The following ZNF831 variants were observed in gnomAD, a reference collection of about 807,000 sequenced individuals.
ZNF831 encodes chromosome 20 open reading frame 174.
A neutral mutation model predicts 95.8 loss-of-function variants in ZNF831; 59 were observed. The ratio of observed to expected loss-of-function variants is 0.62; its 90% CI spans 0.50 to 0.77. The LOEUF (loss-of-function observed/expected upper bound fraction) is 0.77. Among genes scored for constraint, ZNF831 ranks in the 30% least tolerant of loss-of-function variants. The probability of loss-of-function intolerance (pLI) is 0.00; values close to 1 mark genes in which losing one functional copy is unlikely to be tolerated. For synonymous variants in ZNF831, 961 were observed against 925.5 expected, an observed-to-expected ratio of 1.04 and a Z score of -0.70; for missense variants, 2,205 against 2,164.0, an observed-to-expected ratio of 1.02 and a Z score of -0.38.
chr20:59,168,999 C>T (rs912381015), intron 1 of ZNF831, among the ~76,000 whole-genome samples: 2 of 152,094 alleles, frequency 1.3e-5, no homozygotes, highest in South Asian at 2.1e-4. Context: ...GAGGGATATT[C>T]GTCTGTAGTT....
chr20:59,243,875 A>G (rs1368086522), intron 4 of ZNF831, among the ~76,000 whole-genome samples: 1 of 152,232 alleles, frequency 6.6e-6, no homozygotes, highest in African/African-American at 2.4e-5. Context: ...TTTGAAATTA[A>G]TGATCCATAA....
chr20:59,213,670 C>A lies in ZNF831; in HGVS notation c.4027+6614C>A, dbSNP rs906935700. Among the ~76,000 whole-genome samples the A allele has an allele frequency of 1.1e-4, 17 of 152,266 alleles. No individual in the cohort carries two copies. In the East Asian group the frequency reaches 2.7e-3, roughly 24 times the overall value. On this transcript the variant is annotated intron_variant, in intron 4 of 5. Coordinates refer to ENST00000371030, the MANE Select transcript of ZNF831 (RefSeq NM_178457.3). ...CAGCCCCCAAATCTTTGAGCATGAA[C>A]AAGAGCGAGCATGCCACTTGGAGTC... is the stretch of plus-strand genomic sequence containing the variant.
intron 4 of ZNF831, among the ~76,000 whole-genome samples, chr20:59,240,650 A>C (rs1457805872): frequency 2.0e-5 from 3 of 151,800 alleles, no homozygotes; most frequent in Admixed American, 2.0e-4. Flanking sequence ...AAATACAAAA[A>C]AATTAGCCGG....
chr20:59,232,857 A>T (rs1737763055), intron 4 of ZNF831, among the ~76,000 whole-genome samples: 1 of 152,196 alleles, frequency 6.6e-6, no homozygotes, highest in Non-Finnish European at 1.5e-5. Context: ...ACTAACAGGA[A>T]TAACAGCCCC....
At chr20:59,207,360 G>A (rs1324757697) in intron 4 of ZNF831, among the ~76,000 whole-genome samples, 1 of 152,222 alleles carries the variant, frequency 6.6e-6, no homozygotes, top group East Asian at 1.9e-4. Flanking sequence ...AGGAGAACAT[G>A]AATCACAGCT....
chr20:59,176,633 G>A (rs1198009454), intron 1 of ZNF831, among the ~76,000 whole-genome samples: 1 of 152,176 alleles, frequency 6.6e-6, no homozygotes, highest in Non-Finnish European at 1.5e-5. Context: ...TTTCGCTTTA[G>A]TGCGTACATT....
chr20:59,204,934 A>G (rs1036506403), intron 3 of ZNF831, among the ~76,000 whole-genome samples: 3 of 152,210 alleles, frequency 2.0e-5, no homozygotes, highest in African/African-American at 7.2e-5. Flanking sequence ...TGACTAAACT[A>G]AACAGTCCTT....
chr20:59,234,812 G>A (rs1158816125), intron 4 of ZNF831, among the ~76,000 whole-genome samples: 1 of 152,204 alleles, frequency 6.6e-6, no homozygotes, highest in African/African-American at 2.4e-5. Context: ...CAGAAAAGTT[G>A]TAAAGATACT....
chr20:59,207,559 A>G (rs1184749461), intron 4 of ZNF831, among the ~76,000 whole-genome samples: 1 of 152,194 alleles, frequency 6.6e-6, no homozygotes, highest in East Asian at 1.9e-4. Flanking sequence ...ACTCTTCACC[A>G]TGCTTGGAAA....
At chr20:59,203,565 A>G (rs969889151) in intron 3 of ZNF831, among the ~76,000 whole-genome samples, 2 of 152,244 alleles carry the variant, frequency 1.3e-5, no homozygotes, top group Non-Finnish European at 2.9e-5. Context: ...TACAAAGTCT[A>G]AAATATTTAT....
At position 59,208,418 on chromosome 20, in the gene ZNF831, G is replaced by A. The variant is rs536217449; in HGVS notation, c.4027+1362G>A. ...CAACTCTCTGCTTTCTCGTTGGGCC[G>A]TCCTGTGACAGGCACAGGTGCCATC... On this transcript the variant is annotated intron_variant, in intron 4 of 5. Coordinates refer to ENST00000371030, the MANE Select transcript of ZNF831 (RefSeq NM_178457.3). This position sits in a 1 kb window ranked among gnomAD's most constrained non-coding sequence, Gnocchi z 4.2. Among the ~76,000 whole-genome samples the A allele has an allele frequency of 1.2e-4, 19 of 152,308 alleles. No homozygotes were observed. The highest frequency in any genetic ancestry group is 2.2e-4 in the African/African-American group (9 of 41,574).
chr20:59,170,895 G>A (rs918951312), intron 1 of ZNF831, among the ~76,000 whole-genome samples: 1 of 152,226 alleles, frequency 6.6e-6, no homozygotes, highest in Non-Finnish European at 1.5e-5. Flanking sequence ...GTACAGGTGG[G>A]AGGTGGCAGG....
At chr20:59,240,778 G>A (rs1987290256) in intron 4 of ZNF831, among the ~76,000 whole-genome samples, 1 of 152,120 alleles carries the variant, frequency 6.6e-6, no homozygotes, top group Admixed American at 6.5e-5. Flanking sequence ...CTCCAGCCTG[G>A]GCGACAGAGC....
At chr20:59,230,359 C>T (rs1986658087) in intron 4 of ZNF831, among the ~76,000 whole-genome samples, 2 of 152,102 alleles carry the variant, frequency 1.3e-5, no homozygotes, top group Non-Finnish European at 2.9e-5. Flanking sequence ...GTAATCCCAG[C>T]CACTTAGTAG....
chr20:59,225,573 G>A (rs141341725), intron 4 of ZNF831, among the ~76,000 whole-genome samples: 297 of 152,338 alleles, frequency 1.9e-3, no homozygotes, highest in African/African-American at 6.8e-3. Flanking sequence ...TTTCATCAGA[G>A]TCATGATCTG....
rs180711117 is a variant in ZNF831, at chr20:59,214,614, A to G, written c.4027+7558A>G. On this transcript the variant is annotated intron_variant, in intron 4 of 5. Coordinates refer to ENST00000371030, the MANE Select transcript of ZNF831 (RefSeq NM_178457.3). The stretch of plus-strand genomic sequence containing the variant: ...CAGTTAGAGTCTCACTTAGGAAGAC[A>G]AGCTTCGCATGTATGTGTGTGTGTC... Among the ~76,000 whole-genome samples the G allele has an allele frequency of 3.1e-3, 471 of 152,366 alleles. 1 individual carries two copies. The highest frequency in any genetic ancestry group is 5.1e-3 in the Non-Finnish European group (348 of 68,028).
At chr20:59,165,751 C>A (rs931930717) in intron 1 of ZNF831, among the ~76,000 whole-genome samples, 4 of 150,762 alleles carry the variant, frequency 2.7e-5, no homozygotes, top group Non-Finnish European at 4.4e-5. Flanking sequence ...CTTTTTTTTT[C>A]TTCTTTTTTT....
At chr20:59,251,294 A>G (rs1987874442) in intron 4 of ZNF831, among the ~76,000 whole-genome samples, 1 of 152,210 alleles carries the variant, frequency 6.6e-6, no homozygotes, top group African/African-American at 2.4e-5. Context: ...GACACCAGAA[A>G]TAAAGAAGAG....
intron 4 of ZNF831, among the ~76,000 whole-genome samples, chr20:59,226,494 C>T (rs902482566): frequency 6.6e-6 from 1 of 151,968 alleles, no homozygotes; most frequent in Non-Finnish European, 1.5e-5. Flanking sequence ...TTCACAAGAG[C>T]CCAAGTTATA....
Sources: allele counts gnomAD v4.1 joint callset (sites outside exome capture counted in the v4.1 genomes callset), GRCh38; gene constraint gnomAD v4.1.1; non-coding constraint Gnocchi (gnomAD v3.1); transcripts MANE v1.5; gene names NCBI Gene and HGNC (gene_info 2026-07-23, HGNC 2026-07-21).